UBE2E3: variants seen among roughly 807,000 people sequenced by gnomAD.
UBE2E3 encodes the protein ubiquitin-conjugating enzyme E2 E3.
In UBE2E3, 5 loss-of-function variants were observed where a neutral mutation model predicts 23.6. The observed-to-expected ratio is 0.21, with a 90% CI of 0.11 to 0.44. The LOEUF is 0.44. Among genes scored for constraint, UBE2E3 ranks in the 20% least tolerant of loss-of-function variants. UBE2E3 has a pLI of 0.99. For missense variants in UBE2E3, 81 were observed against 249.8 expected (o/e 0.32, Z 4.55); for synonymous variants, 78 against 87.5 (o/e 0.89, Z 0.60).
intron 3 of UBE2E3, among the ~76,000 whole-genome samples, chr2:180,993,240 G>C (rs1035571875): frequency 6.6e-6 from 1 of 152,174 alleles, no homozygotes. Flanking sequence ...AAAAATCCCA[G>C]TTCCTTCTTT....
Position 181,062,783 on chromosome 2 carries a change from T to C in UBE2E3, c.527-8T>C. 6.3e-7 allele frequency: 1 copy of C among 1,582,148 alleles called. No individual in the cohort carries two copies. Among genetic ancestry groups the C allele is most frequent in the Non-Finnish European group, 8.6e-7 (1 of 1,156,634 alleles). ...AAATAGCTTTTAATGTTCTTTCTGC[T>C]TTTCCAGCGGATCCTCTGGTTGGAA... is the stretch of plus-strand genomic sequence containing the variant. On this transcript the variant is annotated splice_polypyrimidine_tract_variant and splice_region_variant and intron_variant, in intron 5 of 5. Coordinates refer to ENST00000410062, the MANE Select transcript of UBE2E3 (RefSeq NM_006357.4).
At chr2:181,021,574 C>CCCTTCCTCCCTTCCTT (rs1685686595) in intron 3 of UBE2E3, among the ~76,000 whole-genome samples, 2 of 36,316 alleles carry the variant, frequency 5.5e-5, no homozygotes, top group African/African-American at 2.8e-4. Flanking sequence ...CTTCCTTCCT[C>CCCTTCCTCCCTTCCTT]CCTCCCTCCC....
intron 3 of UBE2E3, among the ~76,000 whole-genome samples, chr2:181,055,855 C>A (rs1383728304): frequency 6.6e-6 from 1 of 151,624 alleles, no homozygotes; most frequent in Non-Finnish European, 1.5e-5. Flanking sequence ...GTCTTACCAA[C>A]AAGTAATTAT....
chr2:180,996,842 T>C (rs1205048949), intron 3 of UBE2E3, among the ~76,000 whole-genome samples: 2 of 152,200 alleles, frequency 1.3e-5, no homozygotes, highest in Non-Finnish European at 2.9e-5. Flanking sequence ...TGTGTGATTT[T>C]TACTGCATAT....
At chr2:181,027,370 C>G (rs754281386) in intron 3 of UBE2E3, among the ~76,000 whole-genome samples, 16 of 151,756 alleles carry the variant, frequency 1.1e-4, no homozygotes, top group Non-Finnish European at 1.8e-4. Context: ...CATGGTCATC[C>G]AAACCTCTTG....
chr2:181,034,100 A>G (rs772570448), intron 3 of UBE2E3, among the ~76,000 whole-genome samples: 15 of 152,240 alleles, frequency 9.9e-5, no homozygotes, highest in Non-Finnish European at 1.9e-4. Context: ...TAGTTCAACC[A>G]TTGTGGAAGA....
At chr2:181,045,897 A>G (rs1194171037) in intron 3 of UBE2E3, among the ~76,000 whole-genome samples, 3 of 152,120 alleles carry the variant, frequency 2.0e-5, no homozygotes, top group Admixed American at 6.6e-5. Flanking sequence ...AAAGACAACA[A>G]TCAATTTGTT....
In UBE2E3 at chr2:180,980,747, T is replaced by A. The variant is rs1684250461; in HGVS notation, c.-252T>A. The A allele has an allele frequency of 6.8e-6, 1 of 148,114 alleles. No homozygotes were observed. Among genetic ancestry groups the A allele is most frequent in the Non-Finnish European group, 1.5e-5 (1 of 66,676 alleles). 9.2% of individuals were successfully genotyped at this position (148,114 alleles called of 1,614,324 possible). On this transcript the variant is annotated 5_prime_UTR_variant, in exon 1 of 6. Coordinates refer to ENST00000410062, the MANE Select transcript of UBE2E3 (RefSeq NM_006357.4). The surrounding 1 kb of genome is among the most constrained non-coding windows in gnomAD (Gnocchi z 5.5). ...AGCCGAGCTCCCACCCCCGCTTTTTTCCGAAGGCGCTGGGCGGCGCCACCC... is the reference window on the plus strand; with the variant it reads ...AGCCGAGCTCCCACCCCCGCTTTTTACCGAAGGCGCTGGGCGGCGCCACCC...
intron 3 of UBE2E3, among the ~76,000 whole-genome samples, chr2:181,040,697 A>G (rs1213576990): frequency 1.3e-5 from 2 of 152,186 alleles, no homozygotes; most frequent in African/African-American, 4.8e-5. Context: ...TACTGGAAAA[A>G]CAGTTTAGTC....
intron 3 of UBE2E3, among the ~76,000 whole-genome samples, chr2:180,997,798 G>T (rs143824102): frequency 1.2e-3 from 185 of 152,140 alleles, no homozygotes; most frequent in Admixed American, 2.9e-3. Context: ...ATCTCTCGTT[G>T]CCTAGGATGG....
rs183272493 is a variant in UBE2E3, at chr2:180,989,896, C to T, written c.245+5803C>T. On this transcript the variant is annotated intron_variant, in intron 3 of 5. Coordinates refer to ENST00000410062, the MANE Select transcript of UBE2E3 (RefSeq NM_006357.4). ...TTACTTTTCAGGAAAATCAGCAAGT[C>T]TTGCATAGAGTGTAAGGACATTCAG... 21 of 1,547,588 alleles carry T rather than the reference C, an allele frequency of 1.4e-5. 1 individual carries two copies. The Admixed American group carries it at 4.1e-4, about 30-fold the overall frequency.
chr2:181,005,929 C>T (rs571587513), intron 3 of UBE2E3, among the ~76,000 whole-genome samples: 10 of 152,156 alleles, frequency 6.6e-5, no homozygotes, highest in Non-Finnish European at 1.2e-4. Context: ...CTGCTTCTGG[C>T]AATTTCTTAG....
chr2:180,996,036 C>G (rs1363789325), intron 3 of UBE2E3, among the ~76,000 whole-genome samples: 2 of 151,940 alleles, frequency 1.3e-5, no homozygotes, highest in African/African-American at 4.8e-5. Context: ...ATGATTGTCA[C>G]TTCATAATTG....
intron 3 of UBE2E3, among the ~76,000 whole-genome samples, chr2:181,036,500 G>A (rs889185706): frequency 9.8e-5 from 15 of 152,304 alleles, no homozygotes; most frequent in African/African-American, 3.4e-4. Context: ...GGCTTTCTCC[G>A]TGTATTCTGG....
intron 3 of UBE2E3, among the ~76,000 whole-genome samples, chr2:181,036,015 T>A (rs1340323946): frequency 6.6e-6 from 1 of 152,238 alleles, no homozygotes; most frequent in Admixed American, 6.5e-5. Context: ...TCCTGATTTC[T>A]TGAGTGGTAT....
chr2:180,996,752 A>G (rs757953682), intron 3 of UBE2E3, among the ~76,000 whole-genome samples: 1 of 152,218 alleles, frequency 6.6e-6, no homozygotes, highest in Non-Finnish European at 1.5e-5. Flanking sequence ...CCAATTTTAT[A>G]TAGCATTACT....
intron 3 of UBE2E3, among the ~76,000 whole-genome samples, chr2:181,039,286 T>TTA (rs139019462): frequency 0.23 from 35,083 of 151,680 alleles, 4,378 homozygotes; most frequent in Non-Finnish European, 0.28. Flanking sequence ...GTGAATAAAT[T>TTA]TTATAAATAA....
At chr2:181,016,462 T>C (rs1012053992) in intron 3 of UBE2E3, among the ~76,000 whole-genome samples, 1 of 152,172 alleles carries the variant, frequency 6.6e-6, no homozygotes, top group Non-Finnish European at 1.5e-5. Context: ...TCACCAACTA[T>C]GTGGCAGGTC....
chr2:181,028,560 T>C (rs963359095), intron 3 of UBE2E3, among the ~76,000 whole-genome samples: 4 of 152,170 alleles, frequency 2.6e-5, no homozygotes, highest in African/African-American at 9.6e-5. Context: ...TTATCAACTC[T>C]GACAATCTTC....
Sources: allele counts gnomAD v4.1 joint callset (sites outside exome capture counted in the v4.1 genomes callset), GRCh38; gene constraint gnomAD v4.1.1; non-coding constraint Gnocchi (gnomAD v3.1); transcripts MANE v1.5; gene names NCBI Gene and HGNC (gene_info 2026-07-23, HGNC 2026-07-21).